Variants in GFM1 observed in about 807,000 individuals in gnomAD.
GFM1 encodes elongation factor G, mitochondrial.
Under a neutral mutation model 96.2 loss-of-function variants are expected in GFM1, and 62 were observed. That is an observed-to-expected ratio of 0.64 (90% CI 0.53 to 0.80). The LOEUF is 0.80. Ranked by LOEUF, GFM1 falls within the 30% of genes least tolerant of loss-of-function variation. GFM1 has a pLI of 0.00. For missense variants in GFM1, 852 were observed against 916.6 expected, an observed-to-expected ratio of 0.93 and a Z score of 0.91; for synonymous variants, 282 against 312.9, an observed-to-expected ratio of 0.90 and a Z score of 1.04.
chr3:158,652,284 A>G (rs1163534540), intron 6 of GFM1, 38 bp downstream of exon 6: 1 of 1,598,130 alleles, frequency 6.3e-7, no homozygotes, highest in East Asian at 2.2e-5. Flanking sequence ...TTAACAACAA[A>G]AAGAAGTCGT....
intron 8 of GFM1, among the ~76,000 whole-genome samples, chr3:158,657,988 C>A (rs1225732143): frequency 6.6e-6 from 1 of 151,790 alleles, no homozygotes; most frequent in African/African-American, 2.4e-5. Context: ...TCTGTTTTTA[C>A]CTATTTATTC....
chr3:158,667,032 G>T, intron 13 of GFM1: 1 of 1,595,832 alleles, frequency 6.3e-7, no homozygotes, highest in African/African-American at 1.3e-5. Flanking sequence ...ATATTATGAA[G>T]TAGAATGGTG....
At chr3:158,651,809 A>C (rs1161363987) in intron 5 of GFM1, among the ~76,000 whole-genome samples, 1 of 136,744 alleles carries the variant, frequency 7.3e-6, no homozygotes, top group Non-Finnish European at 1.6e-5. Flanking sequence ...TGTGATGTCT[A>C]TTATAAAACC....
At chr3:158,668,929 TTA>T in intron 13 of GFM1, 1 of 1,381,906 alleles carries the variant, frequency 7.2e-7, no homozygotes, top group Non-Finnish European at 1.0e-6. Context: ...GTTAATCCAA[TTA>T]TGAATTACAA....
At chr3:158,660,767 C>A in intron 9 of GFM1, 107 bp from the exon 10 acceptor site, 1 of 897,936 alleles carries the variant, frequency 1.1e-6, no homozygotes, top group Non-Finnish European at 1.8e-6. Flanking sequence ...AGAGATTCTG[C>A]CACGCTTTTT....
At chr3:158,684,494 A>T (rs148232756) in intron 14 of GFM1, 30 bp from the exon 15 acceptor site, 1 of 1,613,218 alleles carries the variant, frequency 6.2e-7, no homozygotes, top group African/African-American at 1.3e-5. Flanking sequence ...AAATCCACTC[A>T]CTCCAGAAGT....
chr3:158,666,332 G>A lies in GFM1; in HGVS notation c.1547G>A (p.Cys516Tyr), dbSNP rs1723677845. Reference sequence around the variant, plus strand: ...CTGGAAAGAGAGTATGGCTGTCCTTGTATCACAGGAAAGCCAAAAGTTGCC... The same window carrying A: ...CTGGAAAGAGAGTATGGCTGTCCTTATATCACAGGAAAGCCAAAAGTTGCC... ...QRLEREYGCP[C>Y]ITGKPKVAFR... Residue 516 changes from cysteine to tyrosine, a missense_variant, in exon 13 of 18, where the codon TGT becomes TAT. Coordinates refer to ENST00000486715, the MANE Select transcript of GFM1 (RefSeq NM_024996.7). 8.1e-6 allele frequency: 13 copies of A among 1,613,170 alleles called. No homozygotes were observed. Among genetic ancestry groups the A allele is most frequent in the Non-Finnish European group, 1.1e-5 (13 of 1,179,508 alleles).
Position 158,644,569 on chromosome 3 carries a change from C to A in GFM1, c.-66C>A. On this transcript the variant is annotated 5_prime_UTR_variant, in exon 1 of 18. Transcript: ENST00000486715. ...TGCCGGCGTGACTTTGACCGCTTCCCGGTGCGTTACCGGCAGCTGAACCCA... is the reference window on the plus strand; with the variant it reads ...TGCCGGCGTGACTTTGACCGCTTCCAGGTGCGTTACCGGCAGCTGAACCCA... 2 of 1,346,214 alleles carry A rather than the reference C, an allele frequency of 1.5e-6. No individual in the cohort carries two copies. Among genetic ancestry groups the A allele is most frequent in the Admixed American group, 2.0e-5 (1 of 50,376 alleles). The allele number at this position is 1,346,214 out of a possible 1,614,324, so 83.4% of individuals were successfully genotyped here.
intron 9 of GFM1, 73 bp from the exon 10 acceptor site, chr3:158,660,801 A>G: frequency 3.3e-6 from 4 of 1,213,444 alleles, no homozygotes; most frequent in South Asian, 1.2e-5. Context: ...TGTACTGTAC[A>G]GTTTACTTTT....
intron 13 of GFM1, chr3:158,669,715 T>C (rs548229537): frequency 1.8e-6 from 2 of 1,081,282 alleles, no homozygotes; most frequent in Non-Finnish European, 2.7e-6. Flanking sequence ...GGTGTTGTTT[T>C]AGACTAGACT....
At chr3:158,656,093 ACAT>A (rs1222573650) in intron 8 of GFM1, 3 of 328,026 alleles carry the variant, frequency 9.1e-6, no homozygotes, top group Non-Finnish European at 1.8e-5. Context: ...TATTCTTGTC[ACAT>A]CATATCCAAG....
Position 158,645,667 on chromosome 3 carries a change from G to A in GFM1, c.120G>A (p.Val40=). 2 of 1,610,992 alleles carry A rather than the reference G, an allele frequency of 1.2e-6. No individual in the cohort carries two copies. The highest frequency in any genetic ancestry group is 8.5e-7 in the Non-Finnish European group (1 of 1,177,208). The change falls in exon 2 of 18, where the codon GTG becomes GTA. Residue 40 remains valine (V), a synonymous_variant. Transcript: ENST00000486715. ...CCTGCCGATGGTCTTCATCAGGGGT[G>A]ATTCCTAATGAAAAAATACGAAATA... ...WKACRWSSSG[V]IPNEKIRNIG...
chr3:158,647,558 G>A (rs1721925493), intron 4 of GFM1, among the ~76,000 whole-genome samples: 1 of 152,140 alleles, frequency 6.6e-6, no homozygotes, highest in Non-Finnish European at 1.5e-5. Context: ...TCATACTTAC[G>A]TTTCACATGG....
intron 13 of GFM1, chr3:158,667,129 T>G: frequency 1.4e-6 from 2 of 1,476,062 alleles, no homozygotes; most frequent in Non-Finnish European, 9.1e-7. Context: ...TGGCAAAAAT[T>G]ACATTTAATT....
intron 4 of GFM1, 120 bp from the exon 5 acceptor site, chr3:158,648,921 T>C (rs550866097): frequency 4.3e-6 from 3 of 701,034 alleles, no homozygotes; most frequent in African/African-American, 1.8e-5. Context: ...TCTGACCTGA[T>C]GGTAACACCC....
chr3:158,678,809 A>T (rs986513244), intron 13 of GFM1, among the ~76,000 whole-genome samples: 5 of 152,252 alleles, frequency 3.3e-5, no homozygotes, highest in African/African-American at 9.6e-5. Context: ...ACAGCGTCAC[A>T]TACAACAGAG....
Position 158,692,486 on chromosome 3 carries a change from T to A in GFM1, c.*1019T>A, listed in dbSNP as rs919627826. 4 of 152,216 alleles carry A rather than the reference T, an allele frequency of 2.6e-5. No individual in the cohort carries two copies. Among genetic ancestry groups the A allele is most frequent in the African/African-American group, 9.6e-5 (4 of 41,456 alleles). The allele number at this position is 152,216 out of a possible 1,614,324, so 9.4% of individuals were successfully genotyped here. ...GCAGTTCTATTACCCGGTTCAGAAT[T>A]GCTTCATCCAAAAATCATCTGATGG... On this transcript the variant is annotated 3_prime_UTR_variant, in exon 18 of 18. Coordinates refer to ENST00000486715, the MANE Select transcript of GFM1 (RefSeq NM_024996.7).
chr3:158,654,716 C>T, intron 8 of GFM1, 85 bp downstream of exon 8: 1 of 896,694 alleles, frequency 1.1e-6, no homozygotes, highest in South Asian at 1.4e-5. Flanking sequence ...ATGACTCTGA[C>T]TTTTATGAAA....
At position 158,646,423 on chromosome 3, in the gene GFM1, A is replaced by C. The variant is rs2108002200; in HGVS notation, c.367+126A>C. 5.8e-6 allele frequency: 6 copies of C among 1,037,404 alleles called. 1 individual carries two copies. The South Asian group carries it at 7.3e-5, about 13-fold the overall frequency. 64.3% of individuals were successfully genotyped at this position (1,037,404 alleles called of 1,614,324 possible). A position where few individuals can be genotyped will look rare whatever the true frequency, so the allele number is the denominator to read the frequency against. On this transcript the variant is annotated intron_variant, in intron 3 of 17. Coordinates refer to ENST00000486715, the MANE Select transcript of GFM1 (RefSeq NM_024996.7). ...AAAGTGTAACACTGAATTCCTATTA[A>C]AGAAGACTAACTTAGGACCTAGAGC...
Sources: gnomAD v4.1 joint callset for allele counts (sites outside exome capture counted in the v4.1 genomes callset) on GRCh38, gnomAD v4.1.1 for gene constraint, MANE v1.5 for transcripts, NCBI Gene and HGNC (gene_info 2026-07-23, HGNC 2026-07-21) for gene names.